Variants in SH2B3 observed in about 807,000 individuals in gnomAD.
SH2B3 encodes SH2B adaptor protein 3.
A neutral mutation model predicts 51.9 loss-of-function variants in SH2B3; 43 were observed. That is an observed-to-expected ratio of 0.83 (90% CI 0.65 to 1.07). The LOEUF (loss-of-function observed/expected upper bound fraction) is 1.07, where lower values mean the gene tolerates loss of function less well. SH2B3 is among the 50% of genes least tolerant of loss of function. The pLI, the probability that SH2B3 is intolerant of heterozygous loss-of-function variation, is 0.00. For missense variants in SH2B3, 952 were observed against 834.3 expected (o/e 1.14, Z -1.74); for synonymous variants, 396 against 376.0 (o/e 1.05, Z -0.62).
chr12:111,434,232 A>G (rs775310941), intron 2 of SH2B3, among the ~76,000 whole-genome samples: 1 of 152,212 alleles, frequency 6.6e-6, no homozygotes, highest in Non-Finnish European at 1.5e-5. Flanking sequence ...GTATATTTAA[A>G]CAATTGTGCA....
At position 111,448,123 on chromosome 12, in the gene SH2B3, G is replaced by A; in HGVS notation, c.1549G>A (p.Gly517Arg). Reference protein sequence around the residue: ...PRGLSPEGLPGRSSPPEQIFH... With the variant: ...PRGLSPEGLPRRSSPPEQIFH... Reference sequence around the variant, plus strand: ...GGGGCTCAGCCCAGAGGGTCTCCCAGGGCGATCCTCACCCCCCGAGCAGAT... The same window carrying A: ...GGGGCTCAGCCCAGAGGGTCTCCCAAGGCGATCCTCACCCCCCGAGCAGAT... The change falls in exon 8 of 8, where the codon GGG becomes AGG. Residue 517 changes from glycine (G) to arginine (R), a missense_variant. Gly to Arg is a moderately radical substitution (Grantham distance 125). Coordinates refer to ENST00000341259, the MANE Select transcript of SH2B3 (RefSeq NM_005475.3). 1 of 1,614,164 alleles carries A rather than the reference G, an allele frequency of 6.2e-7. No individual in the cohort carries two copies. The highest frequency in any genetic ancestry group is 8.5e-7 in the Non-Finnish European group (1 of 1,180,032).
Position 111,444,928 on chromosome 12 carries a change from G to A in SH2B3, c.733-1825G>A, listed in dbSNP as rs1303585370. On this transcript the variant is annotated intron_variant, in intron 2 of 7. Coordinates refer to ENST00000341259, the MANE Select transcript of SH2B3 (RefSeq NM_005475.3). ...TGAGATTGTGGCTCTAGGCCTGGGC[G>A]GCTCTCAAGGGCTGCTGTGGGGAGT... The A allele has an allele frequency of 1.5e-5, 14 of 951,934 alleles. No homozygotes were observed. In the Admixed American group the frequency reaches 2.5e-4, roughly 17 times the overall value. The allele number at this position is 951,934 out of a possible 1,614,324, so 59.0% of individuals were successfully genotyped here. A position where few individuals can be genotyped will look rare whatever the true frequency, so the allele number is the denominator to read the frequency against.
At chr12:111,415,601 TTTG>T (rs764733288) in intron 1 of SH2B3, among the ~76,000 whole-genome samples, 5 of 151,686 alleles carry the variant, frequency 3.3e-5, no homozygotes, top group Admixed American at 6.6e-5. Flanking sequence ...TATTTTTGTT[TTTG>T]TTTTTGTGTG....
chr12:111,415,741 C>T (rs548925101), intron 1 of SH2B3, among the ~76,000 whole-genome samples: 1 of 151,126 alleles, frequency 6.6e-6, no homozygotes, highest in South Asian at 2.1e-4. Context: ...CCTGCCTCAC[C>T]CTCCCGAGTA....
Position 111,429,371 on chromosome 12 carries a change from G to A in SH2B3, c.732+10494G>A, listed in dbSNP as rs368047217. Among the ~76,000 whole-genome samples, 14 of 152,056 alleles carry A rather than the reference G, an allele frequency of 9.2e-5. No individual in the cohort carries two copies. Among genetic ancestry groups the A allele is most frequent in the South Asian group, 2.1e-4 (1 of 4,808 alleles). On this transcript the variant is annotated intron_variant, in intron 2 of 7. Coordinates refer to ENST00000341259, the MANE Select transcript of SH2B3 (RefSeq NM_005475.3). This position sits in a 1 kb window ranked among gnomAD's most constrained non-coding sequence, Gnocchi z 4.4. ...TTTAGAGACAGAGTCTCGCTCTGTC[G>A]CCCAGGTTAGAGCAGAGTGGTGTGA...
chr12:111,418,241 G>T lies in SH2B3; in HGVS notation c.96G>T (p.Leu32Phe), dbSNP rs1361522871. The change falls in exon 2 of 8, where the codon TTG becomes TTT. Residue 32 changes from leucine (L) to phenylalanine (F), a missense_variant. Transcript: ENST00000341259. This position sits in a 1 kb window ranked among gnomAD's most constrained non-coding sequence, Gnocchi z 6.7. ...GGGGCTGGAGCGAGTTCTGTGAGTT[G>T]CACGCCGTAGCGGCGGCCCGGGAGC... is the stretch of plus-strand genomic sequence containing the variant. ...APRGWSEFCE[L>F]HAVAAARELA... The T allele has an allele frequency of 2.6e-5, 41 of 1,554,870 alleles. No individual in the cohort carries two copies. The highest frequency in any genetic ancestry group is 3.5e-5 in the Non-Finnish European group (41 of 1,159,270).
At chr12:111,419,522 C>T (rs1200176905) in intron 2 of SH2B3, among the ~76,000 whole-genome samples, 4 of 151,922 alleles carry the variant, frequency 2.6e-5, no homozygotes, top group East Asian at 1.9e-4. Flanking sequence ...CCTGTAATCC[C>T]GGCTACTTGG....
At chr12:111,412,484 C>T (rs1870781597) in intron 1 of SH2B3, among the ~76,000 whole-genome samples, 1 of 152,230 alleles carries the variant, frequency 6.6e-6, no homozygotes, top group Admixed American at 6.5e-5. Context: ...AGCCTGACTC[C>T]GAGGCTGGAG....
At chr12:111,422,132 T>C (rs1871609699) in intron 2 of SH2B3, among the ~76,000 whole-genome samples, 1 of 152,208 alleles carries the variant, frequency 6.6e-6, no homozygotes, top group South Asian at 2.1e-4. Flanking sequence ...CAGGCTGGAG[T>C]GCAGAGGCAC....
intron 2 of SH2B3, among the ~76,000 whole-genome samples, chr12:111,445,971 TC>T (rs1873913811): frequency 6.6e-6 from 1 of 152,200 alleles, no homozygotes; most frequent in Non-Finnish European, 1.5e-5. Flanking sequence ...CTGCTTTCCA[TC>T]CCCCTGCTCC....
intron 1 of SH2B3, among the ~76,000 whole-genome samples, chr12:111,414,523 T>C (rs191915024): frequency 4.0e-5 from 6 of 151,464 alleles, no homozygotes; most frequent in Non-Finnish European, 4.4e-5. Flanking sequence ...CTGGGAGGTC[T>C]AGGCTGCGGT....
intron 1 of SH2B3, among the ~76,000 whole-genome samples, chr12:111,412,228 G>T (rs1870754952): frequency 6.6e-6 from 1 of 152,182 alleles, no homozygotes; most frequent in African/African-American, 2.4e-5. Flanking sequence ...AAACGCCACT[G>T]CCTGGGCCAG....
Position 111,448,578 on chromosome 12 carries a change from C to T in SH2B3, c.*276C>T, listed in dbSNP as rs1394468017. The T allele has an allele frequency of 4.7e-6, 2 of 423,332 alleles. No homozygotes were observed. The highest frequency in any genetic ancestry group is 8.5e-6 in the Non-Finnish European group (2 of 235,448). 26.2% of individuals were successfully genotyped at this position (423,332 alleles called of 1,614,324 possible). A position where few individuals can be genotyped will look rare whatever the true frequency, so the allele number is the denominator to read the frequency against. ...CTGCCCGGGGTCCCTATGCCCAGTCCCCGTTACTCTTAGAGAAAGGAGTTG... is the reference window on the plus strand; with the variant it reads ...CTGCCCGGGGTCCCTATGCCCAGTCTCCGTTACTCTTAGAGAAAGGAGTTG... On this transcript the variant is annotated 3_prime_UTR_variant, in exon 8 of 8. Coordinates refer to ENST00000341259, the MANE Select transcript of SH2B3 (RefSeq NM_005475.3).
At chr12:111,423,351 A>T (rs976233647) in intron 2 of SH2B3, among the ~76,000 whole-genome samples, 7 of 152,110 alleles carry the variant, frequency 4.6e-5, no homozygotes, top group African/African-American at 1.7e-4. Flanking sequence ...TCTGTGTGAC[A>T]CTGTAGGGTT....
rs570960086 is a variant in SH2B3 at position 111,448,945 on chromosome 12, C to G, written c.*643C>G. The G allele has an allele frequency of 3.3e-5, 5 of 153,022 alleles. No homozygotes were observed. In the East Asian group the frequency reaches 9.6e-4, roughly 30 times the overall value. The allele number at this position is 153,022 out of a possible 1,614,324, so 9.5% of individuals were successfully genotyped here. ...CACTGCTTATTTCAGTGCACTGTTT[C>G]AACTAACACCCATGCTATTTTTGTA... On this transcript the variant is annotated 3_prime_UTR_variant, in exon 8 of 8. Coordinates refer to ENST00000341259, the MANE Select transcript of SH2B3 (RefSeq NM_005475.3).
chr12:111,427,295 A>T (rs1872084202), intron 2 of SH2B3, among the ~76,000 whole-genome samples: 1 of 148,838 alleles, frequency 6.7e-6, no homozygotes, highest in South Asian at 2.2e-4. Flanking sequence ...CTGAGGCAGG[A>T]GAATCACTTG....
intron 2 of SH2B3, among the ~76,000 whole-genome samples, chr12:111,433,435 C>A (rs1315832613): frequency 2.6e-5 from 4 of 152,232 alleles, no homozygotes; most frequent in African/African-American, 9.6e-5. Flanking sequence ...TTCCCACCAT[C>A]ATTGCGTGAG....
In SH2B3 at chr12:111,435,799, G is replaced by T. The variant is rs1872822342; in HGVS notation, c.733-10954G>T. Among the ~76,000 whole-genome samples, 1 of 152,174 alleles carries T rather than the reference G, an allele frequency of 6.6e-6. No homozygotes were observed. The highest frequency in any genetic ancestry group is 2.1e-4 in the South Asian group (1 of 4,828). ...GGCGCAGAAGGCGTCACCTGAAAAA[G>T]GTGTGGCCAAGGGCAGGGGTGCTGG... On this transcript the variant is annotated intron_variant, in intron 2 of 7. Transcript: ENST00000341259. This position sits in a 1 kb window ranked among gnomAD's most constrained non-coding sequence, Gnocchi z 4.8.
At chr12:111,447,592 C>G (rs372662011) in intron 6 of SH2B3, 48 bp downstream of exon 6, 2 of 1,609,258 alleles carry the variant, frequency 1.2e-6, no homozygotes, top group Non-Finnish European at 1.7e-6. Flanking sequence ...CCGTGCCACC[C>G]CTCTCCACTG....
Sources: allele counts gnomAD v4.1 joint callset (sites outside exome capture counted in the v4.1 genomes callset), GRCh38; gene constraint gnomAD v4.1.1; non-coding constraint Gnocchi (gnomAD v3.1); transcripts MANE v1.5; gene names NCBI Gene and HGNC (gene_info 2026-07-23, HGNC 2026-07-21).